The following NOX4 variants were observed in gnomAD, a reference collection of about 807,000 sequenced individuals.
NOX4 encodes the protein kidney oxidase-1.
A neutral mutation model predicts 87.6 loss-of-function variants in NOX4; 69 were observed. That is an observed-to-expected ratio of 0.79 (90% confidence interval 0.65 to 0.96). The LOEUF (loss-of-function observed/expected upper bound fraction) is 0.96. Among genes scored for constraint, NOX4 ranks in the 40% least tolerant of loss-of-function variants. NOX4 has a pLI of 0.00. For missense variants in NOX4, 680 were observed against 681.5 expected (o/e 1.00, Z 0.02); for synonymous variants, 275 against 238.2 (o/e 1.15, Z -1.42).
At chr11:89,386,940 T>C (rs1219888620) in intron 11 of NOX4, among the ~76,000 whole-genome samples, 1 of 152,114 alleles carries the variant, frequency 6.6e-6, no homozygotes, top group Non-Finnish European at 1.5e-5. Context: ...CAAAACCATA[T>C]CCAGGCCCTC....
chr11:89,346,388 T>C (rs569058182), intron 13 of NOX4, among the ~76,000 whole-genome samples: 1 of 152,130 alleles, frequency 6.6e-6, no homozygotes, highest in Non-Finnish European at 1.5e-5. Context: ...CAATAACCAT[T>C]ATGAATGGAT....
chr11:89,399,541 G>A (rs1428264246), intron 11 of NOX4, among the ~76,000 whole-genome samples: 2 of 147,220 alleles, frequency 1.4e-5, no homozygotes, highest in Non-Finnish European at 3.0e-5. Flanking sequence ...AAGGCTCAAT[G>A]AAACTTCAAA....
upstream of NOX4, among the ~76,000 whole-genome samples, chr11:89,501,993 T>C (rs931687647): frequency 1.3e-5 from 2 of 152,072 alleles, no homozygotes; most frequent in African/African-American, 2.4e-5. Context: ...ATGTAACTTG[T>C]AAGTTTGTAA....
chr11:89,541,763 C>A, the NOX4 span, among the ~76,000 whole-genome samples: 2 of 152,124 alleles, frequency 1.3e-5, no homozygotes, highest in African/African-American at 4.8e-5. Context: ...AATAAGTAAA[C>A]GTCATTTGAT....
upstream of NOX4, among the ~76,000 whole-genome samples, chr11:89,500,136 A>G (rs1307630301): frequency 6.6e-6 from 1 of 152,156 alleles, no homozygotes; most frequent in Non-Finnish European, 1.5e-5. Context: ...TGTAAGATCA[A>G]ATGTTTAAAA....
chr11:89,496,469 A>G (rs1946951999), upstream of NOX4, among the ~76,000 whole-genome samples: 1 of 152,164 alleles, frequency 6.6e-6, no homozygotes, highest in Non-Finnish European at 1.5e-5. Context: ...ATAAAATTTC[A>G]AGAAGAAAAA....
chr11:89,328,368 T>A (rs1359249508), intron 17 of NOX4, among the ~76,000 whole-genome samples: 1 of 152,172 alleles, frequency 6.6e-6, no homozygotes, highest in African/African-American at 2.4e-5. Flanking sequence ...GGCAATGGGT[T>A]GTATTCTCAG....
chr11:89,563,511 G>A, the NOX4 span, among the ~76,000 whole-genome samples: 1 of 152,028 alleles, frequency 6.6e-6, no homozygotes, highest in African/African-American at 2.4e-5. Context: ...TGATCTCTCT[G>A]CTATATATTT....
intron 11 of NOX4, among the ~76,000 whole-genome samples, chr11:89,381,568 T>C (rs1428391219): frequency 1.3e-5 from 2 of 152,126 alleles, no homozygotes; most frequent in Non-Finnish European, 2.9e-5. Context: ...CTACCTTGGC[T>C]CTCTTTTCAG....
chr11:89,511,975 G>T, the NOX4 span, among the ~76,000 whole-genome samples: 3 of 152,162 alleles, frequency 2.0e-5, no homozygotes, highest in Admixed American at 1.3e-4. Context: ...GATTACAGAT[G>T]TAATTAGTAG....
rs1946161624 is a variant in NOX4 at position 89,345,173 on chromosome 11, C to T, written c.1218-2980G>A. 1.3e-5 allele frequency among the ~76,000 whole-genome samples: 2 copies of T among 152,082 alleles called. 1 individual carries two copies. Among genetic ancestry groups the T allele is most frequent in the South Asian group, 4.1e-4 (2 of 4,830 alleles). ...GTAGGGCTTCTTAAAACACAGAATG[C>T]TAGGCCCTACCCCAAGACTTGCTGA... On this transcript the variant is annotated intron_variant, in intron 13 of 17. Transcript: ENST00000263317.
At chr11:89,481,275 A>G (rs965872270) in intron 2 of NOX4, among the ~76,000 whole-genome samples, 11 of 151,536 alleles carry the variant, frequency 7.3e-5, no homozygotes, top group Non-Finnish European at 1.5e-4. Flanking sequence ...GTGTGTGTGT[A>G]TATATATATA....
intron 12 of NOX4, among the ~76,000 whole-genome samples, chr11:89,364,723 A>G (rs1011382505): frequency 3.9e-5 from 6 of 152,110 alleles, no homozygotes; most frequent in African/African-American, 1.2e-4. Flanking sequence ...AACTATACCA[A>G]AATTTATCTA....
chr11:89,396,964 C>T (rs1158887267), intron 11 of NOX4, among the ~76,000 whole-genome samples: 15 of 126,518 alleles, frequency 1.2e-4, no homozygotes, highest in Admixed American at 9.1e-4. Flanking sequence ...CTGCCCCAAG[C>T]GGACCTAATA....
In NOX4 at chr11:89,400,285, A is replaced by G; in HGVS notation, c.941T>C (p.Val314Ala). 6.2e-7 allele frequency: 1 copy of G among 1,613,008 alleles called. No individual in the cohort carries two copies. The change falls in exon 10 of 18, where the codon GTC becomes GCC. Residue 314 changes from valine (V) to alanine (A), a missense_variant. Transcript: ENST00000263317. ...CATGACATCTGAGGGATGACTCATG[A>G]CCGAAATGATGGTGACTGGCTTATT... Reference protein sequence around the residue: ...RSNKPVTIISVMSHPSDVMEI... With the variant: ...RSNKPVTIISAMSHPSDVMEI...
intron 12 of NOX4, among the ~76,000 whole-genome samples, chr11:89,357,629 T>C (rs1234670641): frequency 6.6e-6 from 1 of 152,142 alleles, no homozygotes; most frequent in Admixed American, 6.6e-5. Flanking sequence ...ACAAGAACTT[T>C]ACATATCAGG....
At chr11:89,329,410 A>G (rs536635192) in intron 17 of NOX4, among the ~76,000 whole-genome samples, 1 of 150,530 alleles carries the variant, frequency 6.6e-6, no homozygotes, top group South Asian at 2.1e-4. Flanking sequence ...GACAATACCA[A>G]CTAGTCAAAA....
At chr11:89,429,285 T>C (rs317137) in intron 7 of NOX4, among the ~76,000 whole-genome samples, 63,603 of 151,614 alleles carry the variant, frequency 0.42, 13,637 homozygotes, top group East Asian at 0.56. Flanking sequence ...CACCCTAATA[T>C]CACAATTAAA....
the NOX4 span, among the ~76,000 whole-genome samples, chr11:89,537,119 C>T: frequency 8.5e-5 from 13 of 152,126 alleles, no homozygotes; most frequent in Non-Finnish European, 1.9e-4. Context: ...AGCAGCTTGG[C>T]TCTTCATATT....
Sources: gnomAD v4.1 joint callset for allele counts (sites outside exome capture counted in the v4.1 genomes callset) on GRCh38, gnomAD v4.1.1 for gene constraint, MANE v1.5 for transcripts, NCBI Gene and HGNC (gene_info 2026-07-23, HGNC 2026-07-21) for gene names.